LYPLA1: variants seen among roughly 807,000 people sequenced by gnomAD.
The protein encoded by LYPLA1 is lysophospholipase 1, also known as acyl-protein thioesterase 1.
Under a neutral mutation model 34.0 loss-of-function variants are expected in LYPLA1, and 17 were observed. The observed-to-expected ratio is 0.50, with a 90% confidence interval of 0.34 to 0.75. The LOEUF is 0.75. Ranked by LOEUF, LYPLA1 falls within the 30% of genes least tolerant of loss-of-function variation. The pLI is 0.01. For missense variants in LYPLA1, 203 were observed against 288.8 expected (o/e 0.70, Z 2.15); for synonymous variants, 98 against 100.8 (o/e 0.97, Z 0.17).
At chr8:54,065,890 T>C (rs1807027152) in intron 2 of LYPLA1, 77 bp from the exon 3 acceptor site, 1 of 921,292 alleles carries the variant, frequency 1.1e-6, no homozygotes, top group Non-Finnish European at 1.8e-6. Flanking sequence ...AGAGTAGCTT[T>C]AAAAAATTGT....
intron 3 of LYPLA1, among the ~76,000 whole-genome samples, chr8:54,064,981 T>C (rs1806943493): frequency 6.6e-6 from 1 of 152,216 alleles, no homozygotes; most frequent in South Asian, 2.1e-4. Context: ...CCAATCTTAT[T>C]GATCTTCTAA....
At chr8:54,065,318 C>T (rs1050201596) in intron 3 of LYPLA1, among the ~76,000 whole-genome samples, 11 of 151,826 alleles carry the variant, frequency 7.2e-5, no homozygotes, top group African/African-American at 2.7e-4. Context: ...ATTAGCTGGG[C>T]GTGGTGGCAC....
intron 7 of LYPLA1, among the ~76,000 whole-genome samples, chr8:54,051,670 C>T (rs1474001309): frequency 6.6e-6 from 1 of 151,974 alleles, no homozygotes; most frequent in Non-Finnish European, 1.5e-5. Flanking sequence ...AGGATGGTCT[C>T]AATCTCCTGA....
chr8:54,075,194 T>C (rs1255138213), intron 2 of LYPLA1, among the ~76,000 whole-genome samples: 1 of 152,238 alleles, frequency 6.6e-6, no homozygotes, highest in African/African-American at 2.4e-5. Context: ...CCAGATGTTA[T>C]CAGCAGCTGA....
chr8:54,085,763 T>TG (rs1222111771), intron 2 of LYPLA1, among the ~76,000 whole-genome samples: 3 of 50,636 alleles, frequency 5.9e-5, no homozygotes, highest in Admixed American at 2.0e-4. Flanking sequence ...GTCAGTTAGG[T>TG]GGGGGGGCAG....
intron 2 of LYPLA1, among the ~76,000 whole-genome samples, chr8:54,092,493 T>C (rs975438563): frequency 6.6e-6 from 1 of 152,198 alleles, no homozygotes; most frequent in African/African-American, 2.4e-5. Context: ...GTGATTTTGA[T>C]GCATGCTATA....
Position 54,053,516 on chromosome 8 carries a change from A to G in LYPLA1, c.361-760T>C, listed in dbSNP as rs146020618. ...ACATTCTGGAAGCTGTACTCCTGCC[A>G]GCATCCAGAAGCCCCATCACTCTGA... On this transcript the variant is annotated intron_variant, in intron 6 of 8. Coordinates refer to ENST00000316963, the MANE Select transcript of LYPLA1 (RefSeq NM_006330.4). The G allele has an allele frequency of 4.4e-5, 19 of 436,606 alleles. 1 individual carries two copies. The highest frequency in any genetic ancestry group is 4.5e-4 in the Middle Eastern group (1 of 2,224). The allele number at this position is 436,606 out of a possible 1,614,324, so 27.0% of individuals were successfully genotyped here. A position where few individuals can be genotyped will look rare whatever the true frequency, so the allele number is the denominator to read the frequency against.
chr8:54,063,987 T>A (rs747461076), intron 3 of LYPLA1, among the ~76,000 whole-genome samples: 63 of 152,338 alleles, frequency 4.1e-4, no homozygotes, highest in Non-Finnish European at 8.7e-4. Flanking sequence ...TTCCTCCTGA[T>A]TCATGAAGTA....
rs1554547934 is a variant in LYPLA1, at chr8:54,084,141, A to AATACAT, written c.101+16766_101+16767insATGTAT. 3.2e-4 allele frequency among the ~76,000 whole-genome samples: 38 copies of AATACAT among 118,644 alleles called. 2 individuals are homozygous for AATACAT. Among genetic ancestry groups the AATACAT allele is most frequent in the African/African-American group, 1.8e-3 (38 of 21,666 alleles). 77.8% of individuals were successfully genotyped at this position (118,644 alleles called of 152,430 possible). Reference sequence around the variant, plus strand: ...AGACCAAAGAAAAAAAAAATAAATAAATATATATATATATATATATATAAA... The same window carrying AATACAT: ...AGACCAAAGAAAAAAAAAATAAATAAATACATATATATATATATATATATATATAAA... On this transcript the variant is annotated intron_variant, in intron 2 of 8. Coordinates refer to ENST00000316963, the MANE Select transcript of LYPLA1 (RefSeq NM_006330.4).
intron 3 of LYPLA1, 60 bp from the exon 4 acceptor site, chr8:54,063,435 C>A: frequency 1.9e-6 from 2 of 1,046,288 alleles, no homozygotes; most frequent in Admixed American, 2.5e-5. Flanking sequence ...CTGATAAATT[C>A]CATTAATCAA....
chr8:54,092,515 A>G (rs1241923578), intron 2 of LYPLA1, among the ~76,000 whole-genome samples: 1 of 152,170 alleles, frequency 6.6e-6, no homozygotes, highest in East Asian at 1.9e-4. Flanking sequence ...TATGAGAATC[A>G]TGCCTTTCTA....
At chr8:54,078,101 C>T (rs1427614333) in intron 2 of LYPLA1, among the ~76,000 whole-genome samples, 2 of 151,974 alleles carry the variant, frequency 1.3e-5, no homozygotes, top group African/African-American at 4.8e-5. Flanking sequence ...CAGGCGTGCA[C>T]CACCACGCCC....
At chr8:54,087,547 C>T (rs1167906654) in intron 2 of LYPLA1, among the ~76,000 whole-genome samples, 1 of 152,208 alleles carries the variant, frequency 6.6e-6, no homozygotes, top group East Asian at 1.9e-4. Flanking sequence ...AACTGTTGTG[C>T]TGCAAAACAT....
intron 2 of LYPLA1, among the ~76,000 whole-genome samples, chr8:54,089,074 T>G (rs925277826): frequency 3.3e-5 from 5 of 152,234 alleles, no homozygotes; most frequent in Non-Finnish European, 1.5e-5. Context: ...ATAAGTAGTC[T>G]GCAGATGAAT....
At position 54,079,187 on chromosome 8, in the gene LYPLA1, C is replaced by A. The variant is rs915127949; in HGVS notation, c.102-13374G>T. 3.9e-5 allele frequency among the ~76,000 whole-genome samples: 6 copies of A among 151,958 alleles called. No homozygotes were observed. In the East Asian group the frequency reaches 1.2e-3, roughly 29 times the overall value. ...CAGAGATGGGGATTCACCATGTTGG[C>A]GAGGCTGGTCTTGAACTCCTGACCT... On this transcript the variant is annotated intron_variant, in intron 2 of 8. Transcript: ENST00000316963.
At chr8:54,085,080 C>G (rs573840176) in intron 2 of LYPLA1, among the ~76,000 whole-genome samples, 2 of 152,178 alleles carry the variant, frequency 1.3e-5, no homozygotes, top group Non-Finnish European at 2.9e-5. Flanking sequence ...GCCGCCATCT[C>G]GGCTCACTGC....
At chr8:54,094,874 A>T (rs1018164469) in intron 2 of LYPLA1, among the ~76,000 whole-genome samples, 1 of 152,212 alleles carries the variant, frequency 6.6e-6, no homozygotes, top group East Asian at 1.9e-4. Context: ...CAAAATAAAT[A>T]ACTAACTTGA....
chr8:54,093,642 T>C (rs933868703), intron 2 of LYPLA1, among the ~76,000 whole-genome samples: 3 of 152,238 alleles, frequency 2.0e-5, no homozygotes, highest in Non-Finnish European at 4.4e-5. Flanking sequence ...AGGAAACTAA[T>C]ACATGTGGTG....
chr8:54,064,675 A>G (rs2129334736), intron 3 of LYPLA1, among the ~76,000 whole-genome samples: 1 of 152,312 alleles, frequency 6.6e-6, no homozygotes, highest in African/African-American at 2.4e-5. Flanking sequence ...AACTGACATG[A>G]GTATGTCCAA....
Sources: gnomAD v4.1 joint callset for allele counts (sites outside exome capture counted in the v4.1 genomes callset) on GRCh38, gnomAD v4.1.1 for gene constraint, MANE v1.5 for transcripts, NCBI Gene and HGNC (gene_info 2026-07-23, HGNC 2026-07-21) for gene names.